Variants in LYPD4 observed in about 807,000 individuals in gnomAD.
The protein encoded by LYPD4 is LY6/PLAUR domain containing 4, also known as ly6/PLAUR domain-containing protein 4.
A neutral mutation model predicts 18.2 loss-of-function variants in LYPD4; 20 were observed. The observed-to-expected ratio is 1.10, with a 90% CI of 0.77 to 1.59. The LOEUF is 1.59. Among genes scored for constraint, LYPD4 ranks in the 40% most tolerant of loss-of-function variants. The pLI, the probability that LYPD4 is intolerant of heterozygous loss-of-function variation, is 0.00. For missense variants in LYPD4, 278 were observed against 300.3 expected, an observed-to-expected ratio of 0.93 and a Z score of 0.55; for synonymous variants, 111 against 118.3, an observed-to-expected ratio of 0.94 and a Z score of 0.40.
At chr19:41,839,680 TTGTGTG>T (rs782545536) in intron 1 of LYPD4, 5 of 213,490 alleles carry the variant, frequency 2.3e-5, no homozygotes, top group Non-Finnish European at 3.8e-5. Context: ...CTCGTGTGTG[TTGTGTG>T]TGTGTGTGTG....
At chr19:41,836,374 T>A (rs1475629664), downstream of LYPD4, among the ~76,000 whole-genome samples, 1 of 120,864 alleles carries the variant, frequency 8.3e-6, no homozygotes, top group Non-Finnish European at 1.6e-5. Context: ...AATCTCTCAA[T>A]GAAATTGCCT....
At chr19:41,835,182 G>A (rs956210342), downstream of LYPD4, 2 of 152,130 alleles carry the variant, frequency 1.3e-5, no homozygotes, top group Admixed American at 1.3e-4. Flanking sequence ...GCTTCCTCAT[G>A]GGAGGAGGCA....
Position 41,841,154 on chromosome 19 carries a change from C to T in LYPD4, c.-120-1749G>A, listed in dbSNP as rs554411492. ...TCTGATCAAGGGAGAAGATGCAGGCCGGCACAGTGGCTCATGCCTCTAATC... is the reference window on the plus strand; with the variant it reads ...TCTGATCAAGGGAGAAGATGCAGGCTGGCACAGTGGCTCATGCCTCTAATC... On this transcript the variant is annotated intron_variant, in intron 1 of 4. Transcript: ENST00000609812. Among the ~76,000 whole-genome samples, 5 of 152,110 alleles carry T rather than the reference C, an allele frequency of 3.3e-5. No homozygotes were observed. The South Asian group carries it at 1.0e-3, about 32-fold the overall frequency.
chr19:41,835,738 GA>G (rs1485200407), downstream of LYPD4: 7 of 981,032 alleles, frequency 7.1e-6, no homozygotes, highest in Middle Eastern at 5.2e-4. Context: ...CATGGTAACC[GA>G]AACCTCGTGT....
intron 2 of LYPD4, 80 bp downstream of exon 2, chr19:41,839,139 C>A: frequency 6.2e-7 from 1 of 1,612,924 alleles, no homozygotes; most frequent in Non-Finnish European, 8.5e-7. Context: ...ACCTAGATAC[C>A]CAGCCCTCGT....
rs202216407 is a variant in LYPD4 at position 41,837,935 on chromosome 19, C to G, written c.538G>C (p.Gly180Arg). 47 of 1,603,884 alleles carry G rather than the reference C, an allele frequency of 2.9e-5. No homozygotes were observed. The highest frequency in any genetic ancestry group is 4.0e-5 in the Non-Finnish European group (47 of 1,173,308). The part of the protein sequence containing the change: ...CYSSTLKFQA[G>R]FLNTTFLLMG... ...ATAAACAATATTCCTCTCCTCTCAC[C>G]TGCCTGAAATTTTAAGGTGGAACTG... The change falls in exon 4 of 5, where the codon GGG becomes CGG. Residue 180 changes from glycine to arginine, a missense_variant and splice_region_variant. Physicochemically the swap from Gly to Arg is moderately radical, Grantham distance 125 (BLOSUM62 -2). Transcript: ENST00000609812.
downstream of LYPD4, among the ~76,000 whole-genome samples, chr19:41,836,325 A>AAAAAAAC: frequency 7.5e-6 from 1 of 133,626 alleles, no homozygotes; most frequent in African/African-American, 2.8e-5. Flanking sequence ...AAAAAAAAAA[A>AAAAAAAC]AACAACTACT....
chr19:41,843,055 A>ACCC (rs2073679561), intron 1 of LYPD4, among the ~76,000 whole-genome samples: 2 of 59,368 alleles, frequency 3.4e-5, no homozygotes, highest in Non-Finnish European at 3.8e-5. Context: ...AAAAAAAAAA[A>ACCC]AAAAAAAAAA....
In LYPD4 at chr19:41,843,051, AAAAAAAAAAAAAAAAAAAAAAAAAAAC is replaced by A. The variant is rs2073677786; in HGVS notation, c.-121+500_-121+526del. On this transcript the variant is annotated intron_variant, in intron 1 of 4. Transcript: ENST00000609812. Reference sequence around the variant, plus strand: ...CATCGCTAAAAAAAAAAAAAAAAAAAAAAAAAAAAAAAAAAAAAAAAAAAAACCCCAACAACAACACTACACACATCC... The same window carrying A: ...CATCGCTAAAAAAAAAAAAAAAAAAACCCAACAACAACACTACACACATCC... 3.9e-3 allele frequency among the ~76,000 whole-genome samples: 187 copies of A among 47,838 alleles called. 5 individuals carry two copies. Among genetic ancestry groups the A allele is most frequent in the Middle Eastern group, 0.012 (1 of 82 alleles). The allele number at this position is 47,838 out of a possible 152,430, so 31.4% of individuals were successfully genotyped here.
chr19:41,840,648 C>G (rs1188392930), intron 1 of LYPD4, among the ~76,000 whole-genome samples: 3 of 151,860 alleles, frequency 2.0e-5, no homozygotes, highest in Non-Finnish European at 4.4e-5. Context: ...CTGGCTAACA[C>G]GGTGAAACCC....
intron 1 of LYPD4, among the ~76,000 whole-genome samples, chr19:41,841,230 A>G (rs782137346): frequency 6.6e-6 from 1 of 152,054 alleles, no homozygotes; most frequent in Non-Finnish European, 1.5e-5. Context: ...TCAGGAGTTC[A>G]AGACCAGCCT....
chr19:41,837,020 GCCTTCCTCACA>G (rs1367940353), downstream of LYPD4: 4 of 1,498,098 alleles, frequency 2.7e-6, no homozygotes, highest in Non-Finnish European at 3.6e-6. Flanking sequence ...GACATGCTTG[GCCTTCCTCACA>G]CCTTCCTCAC....
chr19:41,835,829 G>A (rs935657534), downstream of LYPD4: 17 of 985,300 alleles, frequency 1.7e-5, no homozygotes, highest in Middle Eastern at 5.2e-4. Flanking sequence ...GGTCAGCTCC[G>A]TGGCCTTGAG....
chr19:41,841,136 A>G (rs538947046), intron 1 of LYPD4, among the ~76,000 whole-genome samples: 110 of 152,308 alleles, frequency 7.2e-4, no homozygotes, highest in African/African-American at 2.6e-3. Context: ...AAATCTGATC[A>G]AGGGAGAAGA....
chr19:41,838,325 C>T (rs1370820168), intron 3 of LYPD4, 64 bp from the exon 4 acceptor site: 2 of 1,364,152 alleles, frequency 1.5e-6, no homozygotes, highest in Non-Finnish European at 1.9e-6. Context: ...AGTCCTCCCT[C>T]CCCCCAGCTC....
Position 41,837,979 on chromosome 19 carries a change from A to G in LYPD4, c.494T>C (p.Leu165Ser), listed in dbSNP as rs2073424525. The change falls in exon 4 of 5, where the codon TTG becomes TCG. Residue 165 changes from leucine to serine, a missense_variant. Physicochemically the swap from Leu to Ser is moderately radical, Grantham distance 145 (BLOSUM62 -2). Coordinates refer to ENST00000609812, the MANE Select transcript of LYPD4 (RefSeq NM_173506.7). The part of the protein sequence containing the change: ...PNFVTTNSCP[L>S]AASTCYSSTL... ...GGAACTGTAACACGTAGAAGCAGCC[A>G]AGGGGCAAGAATTAGTGGTGACAAA... The G allele has an allele frequency of 6.2e-7, 1 of 1,613,676 alleles. No individual in the cohort carries two copies. Among genetic ancestry groups the G allele is most frequent in the Non-Finnish European group, 8.5e-7 (1 of 1,179,764 alleles).
Position 41,839,037 on chromosome 19 carries a change from T to C in LYPD4, c.68-13A>G, listed in dbSNP as rs1555832433. On this transcript the variant is annotated splice_polypyrimidine_tract_variant and intron_variant, in intron 2 of 4. Coordinates refer to ENST00000609812, the MANE Select transcript of LYPD4 (RefSeq NM_173506.7). ...AGAGCTCCAGCCCCTAAAAAGAGAATGCTCTCCCAGTCATTGGCCCCTCAT... is the reference window on the plus strand; with the variant it reads ...AGAGCTCCAGCCCCTAAAAAGAGAACGCTCTCCCAGTCATTGGCCCCTCAT... 4 of 1,613,040 alleles carry C rather than the reference T, an allele frequency of 2.5e-6. No homozygotes were observed. Among genetic ancestry groups the C allele is most frequent in the Non-Finnish European group, 2.5e-6 (3 of 1,179,738 alleles).
chr19:41,840,840 A>T (rs1014370849), intron 1 of LYPD4, among the ~76,000 whole-genome samples: 11 of 151,884 alleles, frequency 7.2e-5, no homozygotes, highest in Admixed American at 3.3e-4. Context: ...AAAAAAAAAA[A>T]AAATAAAATA....
At chr19:41,837,643 G>A (rs952491554) in intron 4 of LYPD4, among the ~76,000 whole-genome samples, 1 of 151,384 alleles carries the variant, frequency 6.6e-6, no homozygotes, top group Non-Finnish European at 1.5e-5. Context: ...GCAGTGAGCC[G>A]AGATCGGACC....
Sources: gnomAD v4.1 joint callset for allele counts (sites outside exome capture counted in the v4.1 genomes callset) on GRCh38, gnomAD v4.1.1 for gene constraint, MANE v1.5 for transcripts, NCBI Gene and HGNC (gene_info 2026-07-23, HGNC 2026-07-21) for gene names.